Variants in PIK3R3 observed in about 807,000 individuals in gnomAD.
PIK3R3 encodes the protein phosphatidylinositol 3-kinase regulatory subunit gamma.
Under a neutral mutation model 62.9 loss-of-function variants are expected in PIK3R3, and 64 were observed. The observed-to-expected ratio is 1.02, with a 90% CI of 0.83 to 1.25. The LOEUF (loss-of-function observed/expected upper bound fraction) is 1.25. Among genes scored for constraint, PIK3R3 ranks in the 50% most tolerant of loss-of-function variants. PIK3R3 has a pLI of 0.00. For missense variants in PIK3R3, 614 were observed against 561.6 expected, an observed-to-expected ratio of 1.09 and a Z score of -0.94; for synonymous variants, 165 against 189.0, an observed-to-expected ratio of 0.87 and a Z score of 1.04.
the PIK3R3 span, among the ~76,000 whole-genome samples, chr1:46,159,738 T>TACACACACACACACACACAC: frequency 1.2e-3 from 171 of 148,116 alleles, no homozygotes; most frequent in African/African-American, 3.2e-3. Context: ...ATGAGTACCA[T>TACACACACACACACACACAC]ACACACACAC....
the PIK3R3 span, among the ~76,000 whole-genome samples, chr1:46,168,479 G>A: frequency 6.6e-6 from 1 of 152,150 alleles, no homozygotes; most frequent in Non-Finnish European, 1.5e-5. Flanking sequence ...CTTCCAGTGA[G>A]GGAGCTAAAT....
the PIK3R3 span, among the ~76,000 whole-genome samples, chr1:46,151,972 C>T: frequency 0.042 from 6,406 of 152,294 alleles, 364 homozygotes; most frequent in African/African-American, 0.13. Flanking sequence ...GGTTTGGCAG[C>T]TGGGAAAACC....
Position 46,066,132 on chromosome 1 carries a change from C to A in PIK3R3, c.543G>T (p.Leu181=), listed in dbSNP as rs1467826993. Residue 181 remains leucine, a synonymous_variant, in exon 5 of 10, where the codon CTG becomes CTT. Coordinates refer to ENST00000262741, the MANE Select transcript of PIK3R3 (RefSeq NM_003629.4). The stretch of plus-strand genomic sequence containing the variant: ...CCTGATACTGAGAGTGGTATTCTTG[C>A]AGTTTTTTACCTACTGCATCAATAT... ...EDNIDAVGKK[L]QEYHSQYQEK... 6.3e-7 allele frequency: 1 copy of A among 1,593,166 alleles called. No individual in the cohort carries two copies. Among genetic ancestry groups the A allele is most frequent in the Non-Finnish European group, 8.6e-7 (1 of 1,161,454 alleles).
intron 1 of PIK3R3, chr1:46,105,044 A>G (rs1571509273): frequency 4.0e-6 from 3 of 749,944 alleles, no homozygotes; most frequent in Admixed American, 3.4e-5. Context: ...TGACAAATAC[A>G]GTAATGCTGT....
At chr1:46,104,275 G>A (rs1250896921) in intron 1 of PIK3R3, among the ~76,000 whole-genome samples, 1 of 152,110 alleles carries the variant, frequency 6.6e-6, no homozygotes, top group Non-Finnish European at 1.5e-5. Flanking sequence ...AATCGTACGG[G>A]CCTAGAATTG....
At chr1:46,081,630 G>A (rs1441425908) in intron 1 of PIK3R3, among the ~76,000 whole-genome samples, 1 of 152,144 alleles carries the variant, frequency 6.6e-6, no homozygotes, top group East Asian at 1.9e-4. Flanking sequence ...CTGGTCCCTG[G>A]TGCCAGAAAG....
intron 1 of PIK3R3, chr1:46,104,881 T>C (rs1027539742): frequency 4.2e-6 from 2 of 471,650 alleles, no homozygotes; most frequent in South Asian, 2.6e-5. Flanking sequence ...TGAGCCAAGA[T>C]TGCGCCACTG....
At chr1:46,154,144 C>G in the PIK3R3 span, among the ~76,000 whole-genome samples, 1 of 152,238 alleles carries the variant, frequency 6.6e-6, no homozygotes, top group South Asian at 2.1e-4. Flanking sequence ...AACATAGGCC[C>G]TGTTAAAACA....
chr1:46,054,963 C>A (rs1647732788), intron 7 of PIK3R3, among the ~76,000 whole-genome samples: 1 of 152,094 alleles, frequency 6.6e-6, no homozygotes, highest in Non-Finnish European at 1.5e-5. Flanking sequence ...AGTGCAGTGG[C>A]ACGATCTCGG....
intron 5 of PIK3R3, among the ~76,000 whole-genome samples, chr1:46,064,233 T>TA (rs1283711597): frequency 7.1e-6 from 1 of 139,874 alleles, no homozygotes; most frequent in Non-Finnish European, 1.6e-5. Flanking sequence ...GTAAGTAAAA[T>TA]AAAAAATAAA....
At chr1:46,103,777 G>C (rs1483000450) in intron 1 of PIK3R3, among the ~76,000 whole-genome samples, 2 of 151,178 alleles carry the variant, frequency 1.3e-5, no homozygotes, top group Non-Finnish European at 2.9e-5. Flanking sequence ...TGTATTTTTA[G>C]TACAGATGGG....
At position 46,094,547 on chromosome 1, in the gene PIK3R3, T is replaced by C. The variant is rs555412168; in HGVS notation, c.107-13797A>G. Among the ~76,000 whole-genome samples the C allele has an allele frequency of 5.9e-5, 9 of 152,366 alleles. No homozygotes were observed. In the East Asian group the frequency reaches 1.7e-3, roughly 29 times the overall value. ...ACTGACAGCTTTTACCAAGTTCATTTTAAAAGACAATGATTAAACAAAATT... is the reference window on the plus strand; with the variant it reads ...ACTGACAGCTTTTACCAAGTTCATTCTAAAAGACAATGATTAAACAAAATT... On this transcript the variant is annotated intron_variant, in intron 1 of 9. Coordinates refer to ENST00000262741, the MANE Select transcript of PIK3R3 (RefSeq NM_003629.4).
chr1:46,050,475 G>A (rs1039963225), intron 7 of PIK3R3, among the ~76,000 whole-genome samples: 1 of 151,930 alleles, frequency 6.6e-6, no homozygotes, highest in Non-Finnish European at 1.5e-5. Context: ...TGAGGCAAGA[G>A]AATTGCTTGA....
At chr1:46,114,401 C>T (rs1284133863) in intron 1 of PIK3R3, among the ~76,000 whole-genome samples, 1 of 152,222 alleles carries the variant, frequency 6.6e-6, no homozygotes, top group African/African-American at 2.4e-5. Context: ...CCTCCCCTCA[C>T]TGGTAAAAAG....
intron 7 of PIK3R3, among the ~76,000 whole-genome samples, chr1:46,047,448 A>G (rs112244569): frequency 6.3e-5 from 9 of 141,812 alleles, no homozygotes; most frequent in African/African-American, 1.3e-4. Context: ...AAAAAAAAAA[A>G]AAAGAAAGAA....
At chr1:46,128,359 C>T (rs1655275577) in intron 1 of PIK3R3, among the ~76,000 whole-genome samples, 1 of 152,138 alleles carries the variant, frequency 6.6e-6, no homozygotes, top group South Asian at 2.1e-4. Flanking sequence ...ATCCTTTGAA[C>T]CCAGGATGTG....
At chr1:46,113,936 T>C (rs1042204545) in intron 1 of PIK3R3, among the ~76,000 whole-genome samples, 5 of 152,198 alleles carry the variant, frequency 3.3e-5, no homozygotes, top group African/African-American at 4.8e-5. Flanking sequence ...ATTAAAAATA[T>C]ATCTTAGATG....
In PIK3R3 at chr1:46,099,736, T is replaced by C. The variant is rs531630314; in HGVS notation, c.107-18986A>G. Among the ~76,000 whole-genome samples the C allele has an allele frequency of 2.6e-5, 4 of 152,316 alleles. No individual in the cohort carries two copies. In the East Asian group the frequency reaches 7.7e-4, roughly 29 times the overall value. On this transcript the variant is annotated intron_variant, in intron 1 of 9. Transcript: ENST00000262741. ...CGGTACTTGTCCCAGGTACAAACTC[T>C]TGTCCATCTTCTAGAGTTTCCCTAG... is the stretch of plus-strand genomic sequence containing the variant.
At chr1:46,136,456 A>AT (rs1655935478), upstream of PIK3R3, among the ~76,000 whole-genome samples, 1 of 152,170 alleles carries the variant, frequency 6.6e-6, no homozygotes, top group Non-Finnish European at 1.5e-5. Flanking sequence ...GTGATTTTCC[A>AT]TTTTTTCCAA....
Sources: allele counts gnomAD v4.1 joint callset (sites outside exome capture counted in the v4.1 genomes callset), GRCh38; gene constraint gnomAD v4.1.1; transcripts MANE v1.5; gene names NCBI Gene and HGNC (gene_info 2026-07-23, HGNC 2026-07-21).